IGSF10: variants seen among roughly 807,000 people sequenced by gnomAD.
IGSF10 encodes the protein calvaria mechanical force protein 608.
A neutral mutation model predicts 128.2 loss-of-function variants in IGSF10; 126 were observed. The ratio of observed to expected loss-of-function variants is 0.98; its 90% CI spans 0.85 to 1.14. The LOEUF (loss-of-function observed/expected upper bound fraction) is 1.14. Among genes scored for constraint, IGSF10 ranks in the 50% most tolerant of loss-of-function variants. The pLI is 0.00. For synonymous variants in IGSF10, 1,185 were observed against 1,146.2 expected (o/e 1.03, Z -0.68); for missense variants, 3,295 against 3,149.8 (o/e 1.05, Z -1.10).
At chr3:151,538,295 C>T in the IGSF10 span, among the ~76,000 whole-genome samples, 3 of 152,246 alleles carry the variant, frequency 2.0e-5, no homozygotes, top group Admixed American at 6.5e-5. Context: ...CTCATTATTG[C>T]TTAATATATT....
At chr3:151,513,228 C>A in the IGSF10 span, among the ~76,000 whole-genome samples, 4 of 152,004 alleles carry the variant, frequency 2.6e-5, no homozygotes, top group East Asian at 1.9e-4. Flanking sequence ...AAAACACTGG[C>A]AAACTGAATC....
chr3:151,545,303 T>G, the IGSF10 span, among the ~76,000 whole-genome samples: 1 of 152,190 alleles, frequency 6.6e-6, no homozygotes. Flanking sequence ...AATCACTGAG[T>G]GCAGTTTGGC....
At chr3:151,523,121 G>T in the IGSF10 span, among the ~76,000 whole-genome samples, 6 of 151,934 alleles carry the variant, frequency 3.9e-5, no homozygotes, top group Admixed American at 3.3e-4. Flanking sequence ...GAGCTGAAAG[G>T]TTTCTACAAT....
rs754645887 is a variant in IGSF10 at position 151,443,831 on chromosome 3, C to G, written c.5116G>C (p.Gly1706Arg). The G allele has an allele frequency of 3.6e-5, 58 of 1,613,848 alleles. No individual in the cohort carries two copies. Among genetic ancestry groups the G allele is most frequent in the Non-Finnish European group, 4.8e-5 (57 of 1,179,926 alleles). ...TCCACCCTCTGGATGGACAGGGTAC[C>G]ATTGGGGAGAACCTGGACCCTGCTA... is the stretch of plus-strand genomic sequence containing the variant. ...QNSRVQVLPN[G>R]TLSIQRVEIQ... The change falls in exon 7 of 8, where the codon GGT (glycine) becomes CGT (arginine). Residue 1706 changes from glycine (G) to arginine (R), a missense_variant. Coordinates refer to ENST00000282466, the MANE Select transcript of IGSF10 (RefSeq NM_178822.5).
At chr3:151,455,757 A>G (rs1721764541) in intron 4 of IGSF10, among the ~76,000 whole-genome samples, 1 of 152,236 alleles carries the variant, frequency 6.6e-6, no homozygotes, top group Non-Finnish European at 1.5e-5. Flanking sequence ...GGTTATGAGT[A>G]ATATGACTAA....
chr3:151,539,925 G>A, the IGSF10 span, among the ~76,000 whole-genome samples: 3 of 152,094 alleles, frequency 2.0e-5, no homozygotes, highest in Non-Finnish European at 4.4e-5. Flanking sequence ...AAGAGGTGCA[G>A]GGAGGGAATT....
At chr3:151,434,085 G>A (rs1339634075), downstream of IGSF10, 3 of 152,286 alleles carry the variant, frequency 2.0e-5, no homozygotes, top group Non-Finnish European at 2.9e-5. Flanking sequence ...AAATTGCAGG[G>A]CATTTTAAAA....
the IGSF10 span, among the ~76,000 whole-genome samples, chr3:151,605,850 G>A: frequency 6.6e-6 from 1 of 152,162 alleles, no homozygotes; most frequent in East Asian, 1.9e-4. Context: ...TATTGTAGTG[G>A]TTTCCAAAGC....
chr3:151,559,350 C>T, the IGSF10 span, among the ~76,000 whole-genome samples: 2 of 152,100 alleles, frequency 1.3e-5, no homozygotes, highest in East Asian at 1.9e-4. Flanking sequence ...ATTCACCAAA[C>T]AAAACATTTG....
At chr3:151,613,296 C>A in the IGSF10 span, among the ~76,000 whole-genome samples, 1 of 152,164 alleles carries the variant, frequency 6.6e-6, no homozygotes, top group African/African-American at 2.4e-5. Flanking sequence ...CTACCAATGA[C>A]TTTCTTCACA....
At position 151,445,867 on chromosome 3, in the gene IGSF10, T is replaced by G. The variant is rs1323282582; in HGVS notation, c.4114A>C (p.Thr1372Pro). Residue 1372 changes from threonine (T) to proline (P), a missense_variant, in exon 6 of 8, where the codon ACT (threonine) becomes CCT (proline). Coordinates refer to ENST00000282466, the MANE Select transcript of IGSF10 (RefSeq NM_178822.5). ...PDQSSGFTTP[T>P]AMTPPVLTTA... Reference sequence around the variant, plus strand: ...GTTAGAACAGGAGGTGTCATAGCAGTGGGTGTAGTGAAGCCAGAACTCTGG... The same window carrying G: ...GTTAGAACAGGAGGTGTCATAGCAGGGGGTGTAGTGAAGCCAGAACTCTGG... 1 of 1,614,022 alleles carries G rather than the reference T, an allele frequency of 6.2e-7. No individual in the cohort carries two copies. The highest frequency in any genetic ancestry group is 2.2e-5 in the East Asian group (1 of 44,890).
At chr3:151,540,112 A>T in the IGSF10 span, among the ~76,000 whole-genome samples, 1 of 152,130 alleles carries the variant, frequency 6.6e-6, no homozygotes, top group African/African-American at 2.4e-5. Flanking sequence ...TCATAAAGAA[A>T]TCTCACCCAT....
the IGSF10 span, among the ~76,000 whole-genome samples, chr3:151,530,964 C>T: frequency 2.0e-5 from 3 of 152,096 alleles, no homozygotes; most frequent in African/African-American, 7.2e-5. Context: ...CAAAGACACA[C>T]ATAGGCTCAA....
Position 151,446,011 on chromosome 3 carries a change from TAGG to T in IGSF10, c.3967_3969del (p.Pro1323del), listed in dbSNP as rs571981269. On this transcript the variant is annotated inframe_deletion, in exon 6 of 8. Transcript: ENST00000282466. ...TAAGTGATGACAGATGCAGGGAAGGTAGGAGTTGTTGCTGGTATTGCTGTTTGC... is the reference window on the plus strand; with the variant it reads ...TAAGTGATGACAGATGCAGGGAAGGTAGTTGTTGCTGGTATTGCTGTTTGC... 1.3e-4 allele frequency: 214 copies of T among 1,614,150 alleles called. 1 individual carries two copies. The African/African-American group carries it at 2.5e-3, about 19-fold the overall frequency.
Position 151,445,411 on chromosome 3 carries a change from T to C in IGSF10, c.4570A>G (p.Thr1524Ala), listed in dbSNP as rs1721125267. The change falls in exon 6 of 8, where the codon ACA becomes GCA. Residue 1524 changes from threonine (T) to alanine (A), a missense_variant. Coordinates refer to ENST00000282466, the MANE Select transcript of IGSF10 (RefSeq NM_178822.5). ...KPQQLVAEVA[T>A]SPKVHPNAKF... ...GCATTTGGGTGAACCTTGGGGGATG[T>C]TGCAACCTCTGCTACTAATTGCTGT... 2 of 1,614,122 alleles carry C rather than the reference T, an allele frequency of 1.2e-6. No homozygotes were observed. Among genetic ancestry groups the C allele is most frequent in the African/African-American group, 1.3e-5 (1 of 74,952 alleles).
At chr3:151,523,934 C>A in the IGSF10 span, among the ~76,000 whole-genome samples, 1 of 152,122 alleles carries the variant, frequency 6.6e-6, no homozygotes, top group Non-Finnish European at 1.5e-5. Context: ...TATCCAGCAT[C>A]TATAAGGAAC....
the IGSF10 span, among the ~76,000 whole-genome samples, chr3:151,528,846 G>A: frequency 6.6e-6 from 1 of 150,924 alleles, no homozygotes; most frequent in Non-Finnish European, 1.5e-5. Flanking sequence ...GAATGCTAGT[G>A]AGACAGAACT....
the IGSF10 span, among the ~76,000 whole-genome samples, chr3:151,589,161 G>T: frequency 1.3e-5 from 2 of 152,072 alleles, no homozygotes; most frequent in Non-Finnish European, 1.5e-5. Flanking sequence ...AAAATGCAGT[G>T]AGCTCTTTCT....
At chr3:151,534,140 TAA>T in the IGSF10 span, among the ~76,000 whole-genome samples, 2 of 151,932 alleles carry the variant, frequency 1.3e-5, no homozygotes, top group African/African-American at 4.8e-5. Context: ...TGGCAATCAT[TAA>T]AAAGTCAGGA....
Sources: gnomAD v4.1 joint callset for allele counts (sites outside exome capture counted in the v4.1 genomes callset) on GRCh38, gnomAD v4.1.1 for gene constraint, MANE v1.5 for transcripts, NCBI Gene and HGNC (gene_info 2026-07-23, HGNC 2026-07-21) for gene names.